The following GUCY2D variants were observed in gnomAD, a reference collection of about 807,000 sequenced individuals.
GUCY2D encodes the protein retinal guanylyl cyclase 1.
In GUCY2D, 70 loss-of-function variants were observed where a neutral mutation model predicts 101.3. That is an observed-to-expected ratio of 0.69 (90% confidence interval 0.57 to 0.84). The LOEUF (loss-of-function observed/expected upper bound fraction) is 0.84, where lower values mean the gene tolerates loss of function less well. Among genes scored for constraint, GUCY2D ranks in the 40% least tolerant of loss-of-function variants. GUCY2D has a pLI of 0.00. For missense variants in GUCY2D, 1,460 were observed against 1,542.5 expected, an observed-to-expected ratio of 0.95 and a Z score of 0.90; for synonymous variants, 688 against 670.7, an observed-to-expected ratio of 1.03 and a Z score of -0.40.
chr17:8,006,603 GC>G lies in GUCY2D; in HGVS notation c.1270del (p.Arg424GlyfsTer64). ...TTTTGCCACATACATGCTGGATCCT[GC>G]CCGGGGCTCCTTCCTCTCCGCCGGT... is the stretch of plus-strand genomic sequence containing the variant. Reference protein sequence around the residue: ...RLFATYMLDPARGSFLSAGTR... With the variant: ...RLFATYMLDPXRGSFLSAGTR... On this transcript the variant is annotated frameshift_variant, in exon 4 of 20. Transcript: ENST00000254854. LOFTEE classifies it high-confidence loss of function. 1 of 1,613,214 alleles carries G rather than the reference GC, an allele frequency of 6.2e-7. No individual in the cohort carries two copies. The highest frequency in any genetic ancestry group is 8.5e-7 in the Non-Finnish European group (1 of 1,179,842).
chr17:8,013,884 G>A lies in GUCY2D; in HGVS notation c.2268G>A (p.Val756=). ...ACTGTCCCCTCATGCCTCCAGAAGT[G>A]GTGCAGAGGGTGCGGAGCCCCCCTC... The part of the protein sequence containing the change: ...YAMLELTPEE[V]VQRVRSPPPL... The change falls in exon 12 of 20, where the codon GTG becomes GTA. Residue 756 remains valine, a synonymous_variant. Coordinates refer to ENST00000254854, the MANE Select transcript of GUCY2D (RefSeq NM_000180.4). The surrounding 1 kb of genome is among the most constrained non-coding windows in gnomAD (Gnocchi z 5.0). 1 of 1,613,374 alleles carries A rather than the reference G, an allele frequency of 6.2e-7. No individual in the cohort carries two copies. Among genetic ancestry groups the A allele is most frequent in the South Asian group, 1.1e-5 (1 of 91,070 alleles).
In GUCY2D at chr17:8,016,199, C is replaced by A. The variant is rs745511852; in HGVS notation, c.3139-6C>A. The A allele has an allele frequency of 4.4e-6, 7 of 1,575,534 alleles. No individual in the cohort carries two copies. The highest frequency in any genetic ancestry group is 1.8e-5 in the Admixed American group (1 of 54,686). On this transcript the variant is annotated splice_region_variant and splice_polypyrimidine_tract_variant and intron_variant, in intron 17 of 19. Coordinates refer to ENST00000254854, the MANE Select transcript of GUCY2D (RefSeq NM_000180.4). ...CTAAGTCCTTCCCTCTCCCATGTCT[C>A]CCCAGGGCAAGGGCGCCGAGGACAC...
rs1238175424 is a variant in GUCY2D at position 8,004,122 on chromosome 17, G to C, written c.992G>C (p.Arg331Pro). The C allele has an allele frequency of 6.3e-7, 1 of 1,597,488 alleles. No homozygotes were observed. Among genetic ancestry groups the C allele is most frequent in the Non-Finnish European group, 8.5e-7 (1 of 1,177,600 alleles). Residue 331 changes from arginine to proline, a missense_variant, in exon 3 of 20, where the codon CGC (arginine) becomes CCC (proline). By Grantham distance (103) the Arg-to-Pro change is moderately radical. This residue lies in a region of GUCY2D where 1,196 missense variants were observed against 1,229.6 expected (regional missense o/e 0.97). Coordinates refer to ENST00000254854, the MANE Select transcript of GUCY2D (RefSeq NM_000180.4). ...GACAGCCTGCGCAGGGCTCAAGAGC[G>C]CCGCGAGCTGCCCTCTGACCTCAAT... ...VLDSLRRAQE[R>P]RELPSDLNLQ...
Position 8,003,406 on chromosome 17 carries a change from G to A in GUCY2D, c.359G>A (p.Arg120His), listed in dbSNP as rs1187415637. The change falls in exon 2 of 20, where the codon CGC becomes CAC. Residue 120 changes from arginine (R) to histidine (H), a missense_variant. By Grantham distance (29) the Arg-to-His change is conservative. This residue lies in a region of GUCY2D where 1,196 missense variants were observed against 1,229.6 expected (regional missense o/e 0.97). Coordinates refer to ENST00000254854, the MANE Select transcript of GUCY2D (RefSeq NM_000180.4). ...GGGGCCGTGTCCTCCGCGCTGGCCC[G>A]CGTGTCGGGCCTCGTGGGTCCGGTG... ...SLGAVSSALA[R>H]VSGLVGPVNP... 3 of 1,494,310 alleles carry A rather than the reference G, an allele frequency of 2.0e-6. No homozygotes were observed. Among genetic ancestry groups the A allele is most frequent in the Non-Finnish European group, 2.7e-6 (3 of 1,129,246 alleles). The allele number at this position is 1,494,310 out of a possible 1,614,324, so 92.6% of individuals were successfully genotyped here.
intron 3 of GUCY2D, among the ~76,000 whole-genome samples, chr17:8,006,073 G>A (rs1306087726): frequency 2.0e-5 from 3 of 152,150 alleles, no homozygotes; most frequent in African/African-American, 7.2e-5. Context: ...TGGTCAGAGA[G>A]GAGGCTGAGT....
In GUCY2D at chr17:8,003,777, C is replaced by T; in HGVS notation, c.721+9C>T. ...CGGGCCCAGGGTCACAGGTAGGCTCCCTTGCAGGGTGCGAGGAGGTCGGCT... is the reference window on the plus strand; with the variant it reads ...CGGGCCCAGGGTCACAGGTAGGCTCTCTTGCAGGGTGCGAGGAGGTCGGCT... On this transcript the variant is annotated intron_variant, in intron 2 of 19. Coordinates refer to ENST00000254854, the MANE Select transcript of GUCY2D (RefSeq NM_000180.4). The T allele has an allele frequency of 1.2e-6, 2 of 1,600,666 alleles. No individual in the cohort carries two copies. The highest frequency in any genetic ancestry group is 1.1e-5 in the South Asian group (1 of 90,984).
Position 8,008,036 on chromosome 17 carries a change from A to G in GUCY2D, c.1668+4A>G, listed in dbSNP as rs1309693707. 5 of 1,575,838 alleles carry G rather than the reference A, an allele frequency of 3.2e-6. No homozygotes were observed. Among genetic ancestry groups the G allele is most frequent in the Non-Finnish European group, 4.4e-6 (5 of 1,145,582 alleles). On this transcript the variant is annotated splice_donor_region_variant and intron_variant, in intron 7 of 19. Coordinates refer to ENST00000254854, the MANE Select transcript of GUCY2D (RefSeq NM_000180.4). The stretch of plus-strand genomic sequence containing the variant: ...CCCCAACATTGGTGTCTATGAGGTG[A>G]GCCTGACCCCAGCCAGACAGAGAGA...
rs773307918 is a variant in GUCY2D, at chr17:8,016,490, G to A, written c.3272G>A (p.Arg1091Gln). 5.7e-6 allele frequency: 9 copies of A among 1,581,604 alleles called. No homozygotes were observed. The highest frequency in any genetic ancestry group is 1.8e-5 in the Admixed American group (1 of 55,996). Residue 1091 changes from arginine (R) to glutamine (Q), a missense_variant, in exon 19 of 20, where the codon CGA becomes CAA. Transcript: ENST00000254854. Reference sequence around the variant, plus strand: ...CTGCAGGAGATCCCACCCGAGCGGCGACGGAAGCTGGAGAAGGCGCGGCCG... The same window carrying A: ...CTGCAGGAGATCCCACCCGAGCGGCAACGGAAGCTGGAGAAGGCGCGGCCG... Reference protein sequence around the residue: ...ISLQEIPPERRRKLEKARPGQ... With the variant: ...ISLQEIPPERQRKLEKARPGQ...
At chr17:8,003,794 A>G in intron 2 of GUCY2D, 26 bp downstream of exon 2, 1 of 1,602,318 alleles carries the variant, frequency 6.2e-7, no homozygotes, top group East Asian at 2.2e-5. Flanking sequence ...GGGTGCGAGG[A>G]GGTCGGCTGG....
chr17:8,003,454 C>A lies in GUCY2D; in HGVS notation c.407C>A (p.Ala136Asp), dbSNP rs544905777. 6.6e-7 allele frequency: 1 copy of A among 1,520,608 alleles called. No individual in the cohort carries two copies. The highest frequency in any genetic ancestry group is 1.2e-5 in the South Asian group (1 of 82,994). The allele number at this position is 1,520,608 out of a possible 1,614,324, so 94.2% of individuals were successfully genotyped here. Residue 136 changes from alanine (A) to aspartate (D), a missense_variant, in exon 2 of 20, where the codon GCC (alanine) becomes GAC (aspartate). Physicochemically the swap from Ala to Asp is moderately radical, Grantham distance 126. Transcript: ENST00000254854. ...GTGAACCCTGCGGCCTGCCGGCCAG[C>A]CGAGCTGCTCGCCGAAGAAGCCGGG... ...GPVNPAACRP[A>D]ELLAEEAGIA... is the part of the protein sequence containing the mutation.
chr17:8,019,229 C>T lies in GUCY2D; in HGVS notation c.*25-899C>T, dbSNP rs531217355. Among the ~76,000 whole-genome samples, 36 of 152,238 alleles carry T rather than the reference C, an allele frequency of 2.4e-4. 1 individual carries two copies. The highest frequency in any genetic ancestry group is 3.9e-4 in the East Asian group (2 of 5,178). On this transcript the variant is annotated intron_variant, in intron 19 of 19. Transcript: ENST00000254854. The stretch of plus-strand genomic sequence containing the variant: ...CCTCCTGTCTCTTCCCTCCCGTACC[C>T]GACCCTGCAGCCCTTCCCCTTCCTT...
chr17:8,008,100 G>A, intron 7 of GUCY2D, 68 bp downstream of exon 7: 3 of 952,958 alleles, frequency 3.1e-6, no homozygotes, highest in East Asian at 5.1e-5. Context: ...GCAGAGGGGA[G>A]GCGCACTCTC....
In GUCY2D at chr17:8,015,363, G is replaced by A. The variant is rs774560137; in HGVS notation, c.2805G>A (p.Ser935=). The change falls in exon 15 of 20, where the codon TCG becomes TCA. Residue 935 remains serine (S), a synonymous_variant. Coordinates refer to ENST00000254854, the MANE Select transcript of GUCY2D (RefSeq NM_000180.4). The part of the protein sequence containing the change: ...ETIGDAYMVA[S]GLPQRNGQRH... ...TAGGGGACGCCTATATGGTGGCCTCGGGGCTGCCCCAGCGGAATGGGCAGC... is the reference window on the plus strand; with the variant it reads ...TAGGGGACGCCTATATGGTGGCCTCAGGGCTGCCCCAGCGGAATGGGCAGC... 5.0e-6 allele frequency: 8 copies of A among 1,610,998 alleles called. No homozygotes were observed. In the East Asian group the frequency reaches 1.6e-4, roughly 31 times the overall value.
At position 8,003,518 on chromosome 17, in the gene GUCY2D, G is replaced by A. The variant is rs1410109074; in HGVS notation, c.471G>A (p.Ala157=). 5.9e-6 allele frequency: 9 copies of A among 1,537,262 alleles called. No homozygotes were observed. In the South Asian group the frequency reaches 1.1e-4, roughly 18 times the overall value. ...CCTGGGGCTGCCCCTGGACGCAGGC[G>A]GAGGGCACCACGGCCCCTGCCGTGA... ...LVPWGCPWTQ[A]EGTTAPAVTP... Residue 157 remains alanine, a synonymous_variant, in exon 2 of 20, where the codon GCG becomes GCA. Coordinates refer to ENST00000254854, the MANE Select transcript of GUCY2D (RefSeq NM_000180.4).
At position 8,014,917 on chromosome 17, in the gene GUCY2D, G is replaced by C; in HGVS notation, c.2635G>C (p.Val879Leu). 1 of 1,614,146 alleles carries C rather than the reference G, an allele frequency of 6.2e-7. No individual in the cohort carries two copies. Among genetic ancestry groups the C allele is most frequent in the Non-Finnish European group, 8.5e-7 (1 of 1,180,014 alleles). The stretch of plus-strand genomic sequence containing the variant: ...AGTGGAGCCCGAGTACTTTGAGCAA[G>C]TGACACTGTACTTTAGTGACATTGT... ...TPVEPEYFEQ[V>L]TLYFSDIVGF... The change falls in exon 14 of 20, where the codon GTG becomes CTG. Residue 879 changes from valine to leucine, a missense_variant. Around this residue, in one of 3 missense-constraint regions of GUCY2D, gnomAD observed 1,196 missense variants for 1,229.6 expected, o/e 0.97. Coordinates refer to ENST00000254854, the MANE Select transcript of GUCY2D (RefSeq NM_000180.4). This position sits in a 1 kb window ranked among gnomAD's most constrained non-coding sequence, Gnocchi z 4.0.
rs750906839 is a variant in GUCY2D, at chr17:8,016,538, G to T, written c.*8G>T. On this transcript the variant is annotated 3_prime_UTR_variant, in exon 19 of 20. Transcript: ENST00000254854. ...CCGGGCCAGTTCTCTTGAGAAGTGA[G>T]GCCCGGCCCCGGACAGGTACTGCCC... 1.9e-6 allele frequency: 3 copies of T among 1,544,840 alleles called. No homozygotes were observed. The highest frequency in any genetic ancestry group is 1.2e-5 in the South Asian group (1 of 84,596).
rs1975914908 is a variant in GUCY2D at position 8,014,141 on chromosome 17, G to C, written c.2412+113G>C. ...GCTGGCAGGACCTCTGGCCTTCCAG[G>C]CTACCTCCTAAGGAGTAGCCTGAAG... On this transcript the variant is annotated intron_variant, in intron 12 of 19. Transcript: ENST00000254854. This position sits in a 1 kb window ranked among gnomAD's most constrained non-coding sequence, Gnocchi z 4.0. 1.2e-5 allele frequency: 12 copies of C among 986,110 alleles called. 1 individual carries two copies. In the South Asian group the frequency reaches 1.5e-4, roughly 13 times the overall value. The allele number at this position is 986,110 out of a possible 1,614,324, so 61.1% of individuals were successfully genotyped here.
At chr17:8,005,971 T>G (rs1025213002) in intron 3 of GUCY2D, among the ~76,000 whole-genome samples, 2 of 151,934 alleles carry the variant, frequency 1.3e-5, no homozygotes, top group African/African-American at 4.8e-5. Context: ...GGCTTTTAGG[T>G]GAATGGTAGG....
In GUCY2D at chr17:8,003,840, C is replaced by T. The variant is rs760426420; in HGVS notation, c.722-12C>T. On this transcript the variant is annotated splice_polypyrimidine_tract_variant and intron_variant, in intron 2 of 19. Transcript: ENST00000254854. ...AGCCGGACGGCGCCGCGAGCCAAGC[C>T]TCTGTCCGCAGCAGTGATCATGGTG... The T allele has an allele frequency of 5.6e-6, 9 of 1,610,578 alleles. No individual in the cohort carries two copies. Among genetic ancestry groups the T allele is most frequent in the Non-Finnish European group, 6.8e-6 (8 of 1,179,566 alleles).
Sources: allele counts gnomAD v4.1 joint callset (sites outside exome capture counted in the v4.1 genomes callset), GRCh38; gene constraint gnomAD v4.1.1; regional missense constraint gnomAD v4.1.1; non-coding constraint Gnocchi (gnomAD v3.1); transcripts MANE v1.5; gene names NCBI Gene and HGNC (gene_info 2026-07-23, HGNC 2026-07-21).